Variants in ANK2 observed in about 807,000 individuals in gnomAD.
The protein encoded by ANK2 is ankyrin 2, also known as ankyrin-2.
A neutral mutation model predicts 360.5 loss-of-function variants in ANK2; 83 were observed. That is an observed-to-expected ratio of 0.23 (90% CI 0.19 to 0.28). The LOEUF is 0.28. Ranked by LOEUF, ANK2 falls within the 10% of genes least tolerant of loss-of-function variation. The probability of loss-of-function intolerance (pLI) is 1.00; values close to 1 mark genes in which losing one functional copy is unlikely to be tolerated. For missense variants in ANK2, 4,201 were observed against 4,795.7 expected, an observed-to-expected ratio of 0.88 and a Z score of 3.66; for synonymous variants, 1,740 against 1,759.5, an observed-to-expected ratio of 0.99 and a Z score of 0.28.
the ANK2 span, among the ~76,000 whole-genome samples, chr4:112,769,359 G>A: frequency 2.0e-5 from 3 of 152,118 alleles, no homozygotes; most frequent in Non-Finnish European, 2.9e-5. Context: ...AGTCAGAGTC[G>A]GGGAAGACTA....
intron 4 of ANK2, among the ~76,000 whole-genome samples, chr4:113,212,002 T>C (rs1405318487): frequency 6.6e-6 from 1 of 152,206 alleles, no homozygotes; most frequent in Admixed American, 6.5e-5. Context: ...TCTCCAGTTA[T>C]ATATGTCTAA....
chr4:112,923,357 A>C (rs1431448231), intron 2 of ANK2, among the ~76,000 whole-genome samples: 1 of 152,094 alleles, frequency 6.6e-6, no homozygotes, highest in Non-Finnish European at 1.5e-5. Flanking sequence ...GTGGGTACTT[A>C]ATCTGCTAAC....
chr4:112,998,823 A>T (rs1464553378), intron 2 of ANK2, among the ~76,000 whole-genome samples: 14 of 152,178 alleles, frequency 9.2e-5, no homozygotes, highest in Non-Finnish European at 1.8e-4. Flanking sequence ...ACCCTTTTTC[A>T]AAATTTAAAA....
At chr4:112,954,229 C>CCCTTCCTT (rs1162519296) in intron 2 of ANK2, among the ~76,000 whole-genome samples, 63 of 141,478 alleles carry the variant, frequency 4.5e-4, no homozygotes, top group African/African-American at 1.5e-3. Flanking sequence ...CTCCCTCCCT[C>CCCTTCCTT]CCTTCCTTCC....
intron 2 of ANK2, among the ~76,000 whole-genome samples, chr4:112,908,892 C>A (rs2086167180): frequency 6.6e-6 from 1 of 152,128 alleles, no homozygotes; most frequent in Non-Finnish European, 1.5e-5. Flanking sequence ...AGATCTGTAC[C>A]TATGGCACAT....
chr4:113,380,272 T>C (rs2097124848), intron 45 of ANK2, among the ~76,000 whole-genome samples: 1 of 149,568 alleles, frequency 6.7e-6, no homozygotes, highest in Non-Finnish European at 1.5e-5. Context: ...AAAAGAAGAA[T>C]ATATAGTGAA....
intron 31 of ANK2, among the ~76,000 whole-genome samples, chr4:113,337,996 A>G (rs1209527767): frequency 1.3e-5 from 2 of 152,222 alleles, no homozygotes; most frequent in Non-Finnish European, 2.9e-5. Context: ...TTCCAGCACA[A>G]TGTCTTTAGA....
intron 1 of ANK2, among the ~76,000 whole-genome samples, chr4:112,867,688 T>C (rs1277040759): frequency 6.6e-6 from 1 of 152,034 alleles, no homozygotes; most frequent in Non-Finnish European, 1.5e-5. Flanking sequence ...TTTTTTTCAT[T>C]TGGCATAATG....
At chr4:112,811,294 C>T in the ANK2 span, among the ~76,000 whole-genome samples, 1 of 152,054 alleles carries the variant, frequency 6.6e-6, no homozygotes, top group Non-Finnish European at 1.5e-5. Context: ...ATGATTGTTT[C>T]CTTCTGGTTT....
rs29371 is a variant in ANK2, at chr4:113,282,950, C to T, written c.2079+78C>T. On this transcript the variant is annotated intron_variant, in intron 18 of 45. Transcript: ENST00000357077. ...GGAACCAATCGCAGACAGTTTGGAACAAAAAGGAGCAATGTATTAAAAAGA... is the reference window on the plus strand; with the variant it reads ...GGAACCAATCGCAGACAGTTTGGAATAAAAAGGAGCAATGTATTAAAAAGA... The T allele has an allele frequency of 0.035, 51,053 of 1,468,082 alleles. 1,016 individuals carry two copies. The highest frequency in any genetic ancestry group is 0.054 in the East Asian group (2,350 of 43,804). The allele number at this position is 1,468,082 out of a possible 1,614,324, so 90.9% of individuals were successfully genotyped here.
chr4:113,280,262 G>A (rs2061782074), intron 17 of ANK2, among the ~76,000 whole-genome samples: 1 of 152,178 alleles, frequency 6.6e-6, no homozygotes, highest in Non-Finnish European at 1.5e-5. Context: ...ACTTGTAAGA[G>A]AAGACCTAGA....
At chr4:112,866,426 A>G (rs2070567398) in intron 1 of ANK2, among the ~76,000 whole-genome samples, 1 of 152,220 alleles carries the variant, frequency 6.6e-6, no homozygotes, top group African/African-American at 2.4e-5. Flanking sequence ...CACACTATGT[A>G]ATAAAAATAA....
At chr4:113,261,024 T>C (rs1445478577) in intron 13 of ANK2, among the ~76,000 whole-genome samples, 3 of 152,190 alleles carry the variant, frequency 2.0e-5, no homozygotes, top group Non-Finnish European at 4.4e-5. Context: ...TGGAAGTCAA[T>C]GTAGCCCTGT....
At chr4:112,917,777 A>G (rs1458476774) in intron 2 of ANK2, among the ~76,000 whole-genome samples, 4 of 152,240 alleles carry the variant, frequency 2.6e-5, no homozygotes, top group Non-Finnish European at 4.4e-5. Context: ...TTCAATATGT[A>G]TTGTCACATA....
At chr4:112,800,296 A>G in the ANK2 span, among the ~76,000 whole-genome samples, 18 of 152,210 alleles carry the variant, frequency 1.2e-4, no homozygotes, top group Non-Finnish European at 2.4e-4. Context: ...AACCCACATT[A>G]TGATTAGCAA....
At chr4:112,873,544 T>C (rs983300962) in intron 1 of ANK2, among the ~76,000 whole-genome samples, 4 of 150,726 alleles carry the variant, frequency 2.7e-5, no homozygotes, top group Non-Finnish European at 5.9e-5. Flanking sequence ...TTCTTTCTTT[T>C]TTTTTTTTTT....
intron 14 of ANK2, among the ~76,000 whole-genome samples, chr4:113,266,123 C>T (rs1229780222): frequency 1.3e-5 from 2 of 152,162 alleles, no homozygotes; most frequent in African/African-American, 2.4e-5. Context: ...CTACCCCCGA[C>T]AGTCTCCAGT....
chr4:112,781,357 C>T, the ANK2 span, among the ~76,000 whole-genome samples: 12 of 152,164 alleles, frequency 7.9e-5, no homozygotes, highest in Non-Finnish European at 1.6e-4. Context: ...ACCTTGGCCT[C>T]CCAAAGTCCT....
At chr4:113,251,684 G>A (rs532389280) in intron 10 of ANK2, among the ~76,000 whole-genome samples, 25 of 151,460 alleles carry the variant, frequency 1.7e-4, no homozygotes, top group Non-Finnish European at 2.4e-4. Context: ...GGGTTTCACC[G>A]TGTTAGCCAG....
Sources: gnomAD v4.1 joint callset for allele counts (sites outside exome capture counted in the v4.1 genomes callset) on GRCh38, gnomAD v4.1.1 for gene constraint, MANE v1.5 for transcripts, NCBI Gene and HGNC (gene_info 2026-07-23, HGNC 2026-07-21) for gene names.